CDHR3: variants seen among roughly 807,000 people sequenced by gnomAD.
The protein encoded by CDHR3 is cadherin-related family member 3.
CDHR3 carries 79 observed loss-of-function variants against 86.6 expected under a neutral mutation model. That is an observed-to-expected ratio of 0.91 (90% CI 0.76 to 1.10). The LOEUF (loss-of-function observed/expected upper bound fraction) is 1.10, where lower values mean the gene tolerates loss of function less well. Ranked by LOEUF, CDHR3 falls within the 50% of genes least tolerant of loss-of-function variation. The pLI is 0.00. For synonymous variants in CDHR3, 421 were observed against 402.4 expected, an observed-to-expected ratio of 1.05 and a Z score of -0.55; for missense variants, 1,081 against 1,077.6, an observed-to-expected ratio of 1.00 and a Z score of -0.04.
rs574459011 is a variant in CDHR3, at chr7:106,031,567, C to T, written c.2353+727C>T. 2.4e-3 allele frequency among the ~76,000 whole-genome samples: 365 copies of T among 152,332 alleles called. 1 individual carries two copies. The highest frequency in any genetic ancestry group is 3.6e-3 in the Non-Finnish European group (248 of 68,036). On this transcript the variant is annotated intron_variant, in intron 18 of 18. Transcript: ENST00000317716. ...TGGCTCCTCTCCAGTGAGAGGCTGC[C>T]GCCGCCGCTGCTGCTGCTGCTGGAA... is the stretch of plus-strand genomic sequence containing the variant.
At position 106,013,029 on chromosome 7, in the gene CDHR3, GT is replaced by G; in HGVS notation, c.1223del (p.Val408GlyfsTer2). 4 of 1,599,772 alleles carry G rather than the reference GT, an allele frequency of 2.5e-6. No homozygotes were observed. Among genetic ancestry groups the G allele is most frequent in the Non-Finnish European group, 3.4e-6 (4 of 1,173,830 alleles). ...LQDPAGSGKI[V>X]LIGDLDYENP... The stretch of plus-strand genomic sequence containing the variant: ...GGATCCAGCTGGCTCTGGGAAGATT[GT>G]GGTCAGTTAATGGTCATTGCATCAT... On this transcript the variant is annotated frameshift_variant and splice_region_variant, in exon 9 of 19. Transcript: ENST00000317716. LOFTEE classifies it high-confidence loss of function.
At chr7:105,985,649 A>T (rs1830414934) in intron 4 of CDHR3, among the ~76,000 whole-genome samples, 1 of 152,046 alleles carries the variant, frequency 6.6e-6, no homozygotes, top group Admixed American at 6.6e-5. Context: ...TTAGAAGATG[A>T]TCCTTCTGTG....
intron 6 of CDHR3, 50 bp downstream of exon 6, chr7:105,996,404 T>C (rs1351586808): frequency 1.9e-6 from 2 of 1,077,056 alleles, no homozygotes; most frequent in Non-Finnish European, 2.8e-6. Context: ...GCGTCCTTCT[T>C]AGGCGGCCTC....
Position 106,015,945 on chromosome 7 carries a change from TC to T in CDHR3, c.1348del (p.Leu450Ter). ...PYYKNNVYVY[I>X]LTSPENEFPL... is the part of the protein sequence containing the mutation. The stretch of plus-strand genomic sequence containing the variant: ...TTTTTAGATAACGTCTACGTTTATA[TC>T]CTAACAAGCCCAGAAAATGAGTTTC... On this transcript the variant is annotated frameshift_variant, in exon 11 of 19. Transcript: ENST00000317716. LOFTEE classifies it high-confidence loss of function. 1 of 1,611,972 alleles carries T rather than the reference TC, an allele frequency of 6.2e-7. No individual in the cohort carries two copies. The highest frequency in any genetic ancestry group is 8.5e-7 in the Non-Finnish European group (1 of 1,178,458).
In CDHR3 at chr7:105,982,277, G is replaced by T. The variant is rs1290435355; in HGVS notation, c.415+1144G>T. ...AGGTCAGGAGATTGAGACCATCCTG[G>T]CTAACATGGTGAAACCCCATCTCTA... On this transcript the variant is annotated intron_variant, in intron 3 of 18. Coordinates refer to ENST00000317716, the MANE Select transcript of CDHR3 (RefSeq NM_152750.5). 4.0e-5 allele frequency among the ~76,000 whole-genome samples: 6 copies of T among 151,866 alleles called. No individual in the cohort carries two copies. In the East Asian group the frequency reaches 1.2e-3, roughly 30 times the overall value.
intron 14 of CDHR3, 114 bp from the exon 15 acceptor site, chr7:106,024,267 C>G: frequency 1.1e-6 from 1 of 902,776 alleles, no homozygotes; most frequent in East Asian, 2.6e-5. Flanking sequence ...AGATGTCCAA[C>G]TTATAGAGCA....
rs755620734 is a variant in CDHR3 at position 106,028,436 on chromosome 7, T to C, written c.2273-115T>C. The C allele has an allele frequency of 1.3e-5, 15 of 1,128,838 alleles. 1 individual carries two copies. The Admixed American group carries it at 2.7e-4, about 21-fold the overall frequency. 69.9% of individuals were successfully genotyped at this position (1,128,838 alleles called of 1,614,324 possible). A position where few individuals can be genotyped will look rare whatever the true frequency, so the allele number is the denominator to read the frequency against. On this transcript the variant is annotated intron_variant, in intron 16 of 18. Coordinates refer to ENST00000317716, the MANE Select transcript of CDHR3 (RefSeq NM_152750.5). Reference sequence around the variant, plus strand: ...CTATAGACAGAACAATTCTTTGCTGTGTCTGCAAGACTGAGATCGAAGCCT... The same window carrying C: ...CTATAGACAGAACAATTCTTTGCTGCGTCTGCAAGACTGAGATCGAAGCCT...
chr7:105,985,749 T>G (rs1487036606), intron 4 of CDHR3, among the ~76,000 whole-genome samples: 1 of 152,210 alleles, frequency 6.6e-6, no homozygotes, highest in Non-Finnish European at 1.5e-5. Flanking sequence ...ATTTAATGGG[T>G]GTCTATGTGT....
intron 14 of CDHR3, among the ~76,000 whole-genome samples, chr7:106,022,770 C>T (rs531299176): frequency 2.0e-5 from 3 of 152,276 alleles, no homozygotes; most frequent in Admixed American, 1.3e-4. Context: ...TTTCCATGGG[C>T]ATGCTGCCAG....
Position 106,028,582 on chromosome 7 carries a change from GGTGA to G in CDHR3, c.2304+3_2304+6del, listed in dbSNP as rs1837733876. 1 of 1,613,846 alleles carries G rather than the reference GGTGA, an allele frequency of 6.2e-7. No homozygotes were observed. The highest frequency in any genetic ancestry group is 8.5e-7 in the Non-Finnish European group (1 of 1,179,870). On this transcript the variant is annotated splice_donor_variant and splice_donor_region_variant and intron_variant, in intron 17 of 18. Transcript: ENST00000317716. LOFTEE classifies it high-confidence loss of function. ...AGACTGCAGAGAGAGACGTCGTGGT[GGTGA>G]GTATGGGCAGTGTGGGGCACCAGGC...
chr7:105,988,969 G>A (rs1830924918), intron 4 of CDHR3, among the ~76,000 whole-genome samples: 1 of 152,210 alleles, frequency 6.6e-6, no homozygotes, highest in Non-Finnish European at 1.5e-5. Context: ...TCATCTCCGT[G>A]CAGACCAGCC....
intron 4 of CDHR3, among the ~76,000 whole-genome samples, chr7:105,993,178 A>G (rs1402742441): frequency 8.5e-5 from 13 of 152,262 alleles, no homozygotes; most frequent in Admixed American, 2.6e-4. Flanking sequence ...TCATCCTAGC[A>G]GGAAATAATG....
At chr7:106,025,381 C>T (rs1837204771) in intron 15 of CDHR3, among the ~76,000 whole-genome samples, 1 of 152,190 alleles carries the variant, frequency 6.6e-6, no homozygotes, top group African/African-American at 2.4e-5. Context: ...CTTGAATTTT[C>T]TTATTTGTAA....
intron 18 of CDHR3, among the ~76,000 whole-genome samples, chr7:106,032,139 C>G (rs577241054): frequency 1.3e-5 from 2 of 152,180 alleles, no homozygotes; most frequent in Admixed American, 6.5e-5. Flanking sequence ...GTCCTTGAGA[C>G]GCTCCTAAGC....
At chr7:105,980,625 T>TTTTTTTTTTTTTTTTTTTTTTA (rs1563239082) in intron 2 of CDHR3, among the ~76,000 whole-genome samples, 2 of 17,312 alleles carry the variant, frequency 1.2e-4, no homozygotes, top group Non-Finnish European at 2.9e-4. Flanking sequence ...TTTTTTTAAT[T>TTTTTTTTTTTTTTTTTTTTTTA]TTTTTTTTTT....
chr7:105,976,884 A>C (rs1563233464), intron 2 of CDHR3, among the ~76,000 whole-genome samples: 1 of 151,920 alleles, frequency 6.6e-6, no homozygotes, highest in Non-Finnish European at 1.5e-5. Flanking sequence ...GGGAGTTCTC[A>C]TCCTTAGCAT....
intron 4 of CDHR3, among the ~76,000 whole-genome samples, chr7:105,990,062 G>A (rs187561354): frequency 1.3e-5 from 2 of 152,268 alleles, no homozygotes; most frequent in Admixed American, 6.5e-5. Context: ...GTCACTGCTG[G>A]CTGTTTGCAT....
At chr7:106,012,578 AG>A (rs1834979753) in intron 8 of CDHR3, among the ~76,000 whole-genome samples, 1 of 152,148 alleles carries the variant, frequency 6.6e-6, no homozygotes, top group Non-Finnish European at 1.5e-5. Context: ...TGCAGATCAA[AG>A]GTGGGACTTT....
At chr7:105,996,534 C>G (rs1024097633) in intron 6 of CDHR3, among the ~76,000 whole-genome samples, 180 bp downstream of exon 6, 3 of 152,210 alleles carry the variant, frequency 2.0e-5, no homozygotes, top group Non-Finnish European at 4.4e-5. Context: ...CTGTTTTCCA[C>G]CTTTGCTGCC....
Sources: allele counts gnomAD v4.1 joint callset (sites outside exome capture counted in the v4.1 genomes callset), GRCh38; gene constraint gnomAD v4.1.1; transcripts MANE v1.5; gene names NCBI Gene and HGNC (gene_info 2026-07-23, HGNC 2026-07-21).